The following LRBA variants were observed in gnomAD, a reference collection of about 807,000 sequenced individuals.
LRBA encodes the protein lipopolysaccharide-responsive and beige-like anchor protein.
Under a neutral mutation model 330.0 loss-of-function variants are expected in LRBA, and 176 were observed. The ratio of observed to expected loss-of-function variants is 0.53; its 90% CI spans 0.47 to 0.60. The LOEUF (loss-of-function observed/expected upper bound fraction) is 0.60, where lower values mean the gene tolerates loss of function less well. Ranked by LOEUF, LRBA falls within the 20% of genes least tolerant of loss-of-function variation. LRBA has a pLI of 0.00. For synonymous variants in LRBA, 1,230 were observed against 1,193.0 expected, an observed-to-expected ratio of 1.03 and a Z score of -0.64; for missense variants, 3,259 against 3,444.8, an observed-to-expected ratio of 0.95 and a Z score of 1.35.
Position 150,914,361 on chromosome 4 carries a change from AG to A in LRBA, c.1015-21del. 1 of 1,465,818 alleles carries A rather than the reference AG, an allele frequency of 6.8e-7. No homozygotes were observed. Among genetic ancestry groups the A allele is most frequent in the South Asian group, 1.5e-5 (1 of 65,792 alleles). 90.8% of individuals were successfully genotyped at this position (1,465,818 alleles called of 1,614,324 possible). A position where few individuals can be genotyped will look rare whatever the true frequency, so the allele number is the denominator to read the frequency against. ...AAAGGTCTGTAAAAGAAAAAAAAAA[AG>A]GAATTAGGAAAAAACAAAAAAAAAC... On this transcript the variant is annotated intron_variant, in intron 8 of 56. Coordinates refer to ENST00000651943, the MANE Select transcript of LRBA (RefSeq NM_001364905.1).
chr4:150,313,984 G>A (rs912092806), intron 51 of LRBA, among the ~76,000 whole-genome samples: 3 of 151,814 alleles, frequency 2.0e-5, no homozygotes, highest in Non-Finnish European at 2.9e-5. Context: ...GTCTTGTCAC[G>A]TTGGTCTTTA....
Position 150,306,624 on chromosome 4 carries a change from C to T in LRBA, c.7849+3605G>A, listed in dbSNP as rs568485580. 3.3e-4 allele frequency among the ~76,000 whole-genome samples: 50 copies of T among 149,936 alleles called. No individual in the cohort carries two copies. The South Asian group carries it at 9.3e-3, about 28-fold the overall frequency. Reference sequence around the variant, plus strand: ...AGTTTAAGGCTATTCCTTATTTGTACGTTTTATACACACAAACACACACAT... The same window carrying T: ...AGTTTAAGGCTATTCCTTATTTGTATGTTTTATACACACAAACACACACAT... On this transcript the variant is annotated intron_variant, in intron 52 of 56. Coordinates refer to ENST00000651943, the MANE Select transcript of LRBA (RefSeq NM_001364905.1).
At chr4:150,701,047 TA>T (rs1290168308) in intron 36 of LRBA, among the ~76,000 whole-genome samples, 1 of 152,210 alleles carries the variant, frequency 6.6e-6, no homozygotes, top group African/African-American at 2.4e-5. Flanking sequence ...GCCTGATCTA[TA>T]AACCTTATTC....
rs1057418379 is a variant in LRBA at position 150,645,936 on chromosome 4, C to T, written c.5921+37615G>A. On this transcript the variant is annotated intron_variant, in intron 37 of 56. Coordinates refer to ENST00000651943, the MANE Select transcript of LRBA (RefSeq NM_001364905.1). ...ATTCTTCTCATTAGAAAACCCATTA[C>T]AGAAAATTGTACTCAATAGATATAT... Among the ~76,000 whole-genome samples, 6 of 136,806 alleles carry T rather than the reference C, an allele frequency of 4.4e-5. 1 individual carries two copies. The South Asian group carries it at 7.4e-4, about 17-fold the overall frequency. 89.8% of individuals were successfully genotyped at this position (136,806 alleles called of 152,430 possible). A position where few individuals can be genotyped will look rare whatever the true frequency, so the allele number is the denominator to read the frequency against.
chr4:150,833,443 G>A (rs1747505686), intron 28 of LRBA, among the ~76,000 whole-genome samples: 1 of 152,028 alleles, frequency 6.6e-6, no homozygotes. Flanking sequence ...GCATACCATG[G>A]AGATACCACA....
chr4:150,532,347 A>C (rs1202128610), intron 40 of LRBA, among the ~76,000 whole-genome samples: 2 of 152,150 alleles, frequency 1.3e-5, no homozygotes, highest in Non-Finnish European at 2.9e-5. Context: ...TTTACAGGAG[A>C]ATTTGTGTTA....
chr4:150,289,394 T>C (rs1748565831), intron 53 of LRBA, among the ~76,000 whole-genome samples: 1 of 152,130 alleles, frequency 6.6e-6, no homozygotes, highest in Non-Finnish European at 1.5e-5. Context: ...CTTCAAAGTT[T>C]GGCAAAATGT....
chr4:150,831,262 T>G (rs909083338), intron 29 of LRBA, among the ~76,000 whole-genome samples: 1 of 151,852 alleles, frequency 6.6e-6, no homozygotes, highest in African/African-American at 2.4e-5. Flanking sequence ...ACTTATAGCA[T>G]GTAGATATTT....
At chr4:150,306,997 A>G (rs1302164067) in intron 52 of LRBA, among the ~76,000 whole-genome samples, 1 of 152,068 alleles carries the variant, frequency 6.6e-6, no homozygotes, top group African/African-American at 2.4e-5. Context: ...CTGAAACAAT[A>G]TCTAGTATGT....
At chr4:150,537,100 C>G (rs1357231404) in intron 40 of LRBA, among the ~76,000 whole-genome samples, 1 of 152,092 alleles carries the variant, frequency 6.6e-6, no homozygotes, top group African/African-American at 2.4e-5. Context: ...ACTACAATAA[C>G]CAAAACAGCA....
chr4:150,682,732 C>G (rs1473776659), intron 37 of LRBA, among the ~76,000 whole-genome samples: 1 of 151,932 alleles, frequency 6.6e-6, no homozygotes, highest in Non-Finnish European at 1.5e-5. Flanking sequence ...ATATAATATA[C>G]AAGTAATTTA....
chr4:150,620,091 A>C (rs1210382599), intron 37 of LRBA, among the ~76,000 whole-genome samples: 1 of 152,192 alleles, frequency 6.6e-6, no homozygotes, highest in African/African-American at 2.4e-5. Context: ...AAAAACGTTA[A>C]TGTTTCGTTA....
chr4:150,701,213 C>CAT (rs146051805), intron 36 of LRBA, among the ~76,000 whole-genome samples: 2,166 of 152,250 alleles, frequency 0.014, 56 homozygotes, highest in African/African-American at 0.048. Context: ...GGGGCAGTAA[C>CAT]ATGCATGGAG....
At chr4:150,735,941 T>C (rs1731124547) in intron 35 of LRBA, among the ~76,000 whole-genome samples, 1 of 151,940 alleles carries the variant, frequency 6.6e-6, no homozygotes, top group African/African-American at 2.4e-5. Context: ...CCTTCAGAGA[T>C]TTGGTGATTG....
intron 37 of LRBA, among the ~76,000 whole-genome samples, chr4:150,649,484 C>A (rs558267276): frequency 1.3e-5 from 2 of 152,310 alleles, no homozygotes; most frequent in Non-Finnish European, 2.9e-5. Flanking sequence ...ATCGCATGGT[C>A]ATATATCCAG....
Position 150,915,665 on chromosome 4 carries a change from A to G in LRBA, c.957T>C (p.Tyr319=), listed in dbSNP as rs990407669. The part of the protein sequence containing the change: ...NRWKNSELRC[Y]VNGELASYGE... ...CATAGGAAGCCAGCTCACCATTCAC[A>G]TAACATCGAAGTTCACTATTCTTCC... is the stretch of plus-strand genomic sequence containing the variant. The change falls in exon 8 of 57, where the codon TAT becomes TAC. Residue 319 remains tyrosine, a synonymous_variant. Coordinates refer to ENST00000651943, the MANE Select transcript of LRBA (RefSeq NM_001364905.1). 2.5e-6 allele frequency: 4 copies of G among 1,612,690 alleles called. No individual in the cohort carries two copies. Among genetic ancestry groups the G allele is most frequent in the Admixed American group, 3.3e-5 (2 of 59,964 alleles).
At chr4:150,613,695 C>A (rs548659840) in intron 37 of LRBA, among the ~76,000 whole-genome samples, 7 of 152,352 alleles carry the variant, frequency 4.6e-5, no homozygotes, top group Admixed American at 4.6e-4. Flanking sequence ...GTACTCCCCA[C>A]ATCAGACTTG....
intron 47 of LRBA, among the ~76,000 whole-genome samples, chr4:150,380,277 G>A (rs1294135826): frequency 6.6e-6 from 1 of 152,056 alleles, no homozygotes. Context: ...TAGAACAACA[G>A]GGATCACTCA....
chr4:150,437,528 TTAAAAA>T (rs1477064674), intron 44 of LRBA, among the ~76,000 whole-genome samples: 5 of 148,880 alleles, frequency 3.4e-5, no homozygotes, highest in Admixed American at 6.7e-5. Flanking sequence ...TATTATAAAA[TTAAAAA>T]TATCACATTA....
Sources: gnomAD v4.1 joint callset for allele counts (sites outside exome capture counted in the v4.1 genomes callset) on GRCh38, gnomAD v4.1.1 for gene constraint, MANE v1.5 for transcripts, NCBI Gene and HGNC (gene_info 2026-07-23, HGNC 2026-07-21) for gene names.